WBP1L: variants seen among roughly 807,000 people sequenced by gnomAD.
The protein encoded by WBP1L is WW domain binding protein 1 like, also known as WW domain binding protein 1-like.
WBP1L carries 17 observed loss-of-function variants against 33.7 expected under a neutral mutation model. The ratio of observed to expected loss-of-function variants is 0.50; its 90% CI spans 0.34 to 0.76. The LOEUF (loss-of-function observed/expected upper bound fraction) is 0.76. Among genes scored for constraint, WBP1L ranks in the 30% least tolerant of loss-of-function variants. WBP1L has a pLI of 0.01. For missense variants in WBP1L, 389 were observed against 469.4 expected (o/e 0.83, Z 1.58); for synonymous variants, 173 against 190.8 (o/e 0.91, Z 0.77).
intron 3 of WBP1L, among the ~76,000 whole-genome samples, chr10:102,811,002 C>T (rs963977472): frequency 6.6e-6 from 1 of 151,458 alleles, no homozygotes; most frequent in Non-Finnish European, 1.5e-5. Context: ...CTCTCTCTCT[C>T]TCTTTAATGG....
At chr10:102,777,279 C>T (rs575058376) in intron 1 of WBP1L, among the ~76,000 whole-genome samples, 1 of 152,258 alleles carries the variant, frequency 6.6e-6, no homozygotes, top group South Asian at 2.1e-4. Flanking sequence ...CACACACCCT[C>T]TGCTGCCTGT....
At chr10:102,763,171 C>T (rs1264359977) in intron 1 of WBP1L, among the ~76,000 whole-genome samples, 1 of 140,924 alleles carries the variant, frequency 7.1e-6, no homozygotes, top group Non-Finnish European at 1.5e-5. Flanking sequence ...CGCACCATTG[C>T]ACTCCAGCCT....
chr10:102,769,734 C>T (rs1241286758), intron 1 of WBP1L, among the ~76,000 whole-genome samples: 2 of 152,180 alleles, frequency 1.3e-5, no homozygotes, highest in African/African-American at 2.4e-5. Flanking sequence ...AGTTACCTAA[C>T]GTCACTGTGT....
At chr10:102,764,002 C>T (rs1322951775) in intron 1 of WBP1L, among the ~76,000 whole-genome samples, 1 of 151,260 alleles carries the variant, frequency 6.6e-6, no homozygotes, top group African/African-American at 2.4e-5. Flanking sequence ...TTGGTAAAGA[C>T]ATGGTTTCAC....
chr10:102,795,103 G>A (rs1480891470), intron 1 of WBP1L, among the ~76,000 whole-genome samples: 4 of 152,170 alleles, frequency 2.6e-5, no homozygotes, highest in African/African-American at 4.8e-5. Context: ...ATTGATACAT[G>A]CAGCCAGTAG....
intron 1 of WBP1L, among the ~76,000 whole-genome samples, chr10:102,767,369 A>T (rs1440992470): frequency 2.0e-5 from 3 of 152,298 alleles, no homozygotes; most frequent in African/African-American, 7.2e-5. Context: ...ATTTCTTTCC[A>T]TTTAAAGCTG....
At chr10:102,770,486 C>G (rs537616709) in intron 1 of WBP1L, among the ~76,000 whole-genome samples, 1 of 152,288 alleles carries the variant, frequency 6.6e-6, no homozygotes, top group African/African-American at 2.4e-5. Context: ...AAATAAGATA[C>G]CCCTAGACCT....
At chr10:102,799,638 G>A (rs1440470398) in intron 2 of WBP1L, among the ~76,000 whole-genome samples, 2 of 152,048 alleles carry the variant, frequency 1.3e-5, no homozygotes, top group African/African-American at 4.8e-5. Context: ...GACTGCAGGC[G>A]GTTTCCCCAG....
At chr10:102,746,954 T>TAA (rs1842870674) in intron 1 of WBP1L, among the ~76,000 whole-genome samples, 1 of 152,238 alleles carries the variant, frequency 6.6e-6, no homozygotes, top group Non-Finnish European at 1.5e-5. Flanking sequence ...TTCTTGTTTA[T>TAA]GCAGGCAGGC....
At position 102,807,351 on chromosome 10, in the gene WBP1L, C is replaced by T. The variant is rs538862813; in HGVS notation, c.194-2542C>T. ...CAGAGTTACCCCATGGTTAGAGCTT[C>T]CTGACCATACCCCTCCTTTTTCTGT... On this transcript the variant is annotated intron_variant, in intron 2 of 3. Transcript: ENST00000448841. 1.1e-4 allele frequency among the ~76,000 whole-genome samples: 16 copies of T among 152,202 alleles called. No homozygotes were observed. The South Asian group carries it at 3.1e-3, about 30-fold the overall frequency.
intron 2 of WBP1L, 36 bp downstream of exon 2, chr10:102,798,131 G>A (rs779375324): frequency 6.3e-6 from 10 of 1,580,970 alleles, no homozygotes; most frequent in Admixed American, 1.7e-5. Flanking sequence ...AGTATCCCAG[G>A]GTCCCAGTTA....
intron 1 of WBP1L, among the ~76,000 whole-genome samples, chr10:102,753,581 T>A (rs137998423): frequency 1.3e-5 from 2 of 152,356 alleles, no homozygotes; most frequent in Non-Finnish European, 2.9e-5. Context: ...TATGCTTGCT[T>A]ACTCAGTTAC....
intron 2 of WBP1L, among the ~76,000 whole-genome samples, chr10:102,798,958 T>C (rs1018842733): frequency 2.6e-5 from 4 of 152,228 alleles, no homozygotes; most frequent in Non-Finnish European, 5.9e-5. Context: ...CAGCTCCTTT[T>C]ATTTCTTACC....
intron 2 of WBP1L, among the ~76,000 whole-genome samples, chr10:102,800,198 C>T (rs1843636267): frequency 6.6e-6 from 1 of 152,240 alleles, no homozygotes; most frequent in African/African-American, 2.4e-5. Flanking sequence ...CTCCTTCCCA[C>T]CCTTTGTTAA....
chr10:102,770,997 A>G (rs542369477), intron 1 of WBP1L, among the ~76,000 whole-genome samples: 2 of 152,234 alleles, frequency 1.3e-5, no homozygotes, highest in South Asian at 4.1e-4. Context: ...CATAAACCCC[A>G]TTTGCCTCCA....
intron 1 of WBP1L, among the ~76,000 whole-genome samples, chr10:102,777,636 C>G (rs1375868562): frequency 2.3e-5 from 3 of 131,204 alleles, no homozygotes; most frequent in African/African-American, 9.0e-5. Flanking sequence ...GTGGCGTTAG[C>G]TCACTGCAAC....
chr10:102,769,183 C>T (rs1590173577), intron 1 of WBP1L, among the ~76,000 whole-genome samples: 1 of 152,152 alleles, frequency 6.6e-6, no homozygotes, highest in East Asian at 1.9e-4. Flanking sequence ...CAGGGTCTCC[C>T]TATGTTGCTC....
intron 1 of WBP1L, among the ~76,000 whole-genome samples, chr10:102,765,022 C>G (rs1473094442): frequency 1.3e-5 from 2 of 152,112 alleles, no homozygotes; most frequent in South Asian, 2.1e-4. Context: ...GGGAATTTTG[C>G]TTTTGAGATG....
At chr10:102,782,789 G>A (rs1203247953) in intron 1 of WBP1L, among the ~76,000 whole-genome samples, 1 of 152,158 alleles carries the variant, frequency 6.6e-6, no homozygotes, top group Admixed American at 6.6e-5. Flanking sequence ...AGGAGACTTG[G>A]CTTTGGGAAT....
Sources: allele counts gnomAD v4.1 joint callset (sites outside exome capture counted in the v4.1 genomes callset), GRCh38; gene constraint gnomAD v4.1.1; transcripts MANE v1.5; gene names NCBI Gene and HGNC (gene_info 2026-07-23, HGNC 2026-07-21).